Variants in C1orf21 observed in about 807,000 individuals in gnomAD.
C1orf21 encodes the protein uncharacterized protein C1orf21.
A neutral mutation model predicts 18.7 loss-of-function variants in C1orf21; 3 were observed. That is an observed-to-expected ratio of 0.16 (90% CI 0.07 to 0.42). The LOEUF (loss-of-function observed/expected upper bound fraction) is 0.42, where lower values mean the gene tolerates loss of function less well. Among genes scored for constraint, C1orf21 ranks in the 10% least tolerant of loss-of-function variants. The probability of loss-of-function intolerance (pLI) is 0.99; values close to 1 mark genes in which losing one functional copy is unlikely to be tolerated. For synonymous variants in C1orf21, 41 were observed against 46.4 expected (o/e 0.88, Z 0.47); for missense variants, 104 against 143.6 (o/e 0.72, Z 1.41).
chr1:184,440,014 T>C (rs1002136578), intron 1 of C1orf21, among the ~76,000 whole-genome samples: 33 of 152,322 alleles, frequency 2.2e-4, no homozygotes, highest in Admixed American at 1.9e-3. Context: ...ATATTAGACA[T>C]GTTTCTACTT....
intron 3 of C1orf21, chr1:184,545,844 T>A (rs1029620473): frequency 3.3e-5 from 5 of 152,160 alleles, no homozygotes; most frequent in African/African-American, 1.2e-4. Context: ...TAAAACGCCC[T>A]TTATTCCCAA....
rs1185977278 is a variant in C1orf21 at position 184,622,988 on chromosome 1, T to C, written c.*3432T>C. On this transcript the variant is annotated 3_prime_UTR_variant, in exon 6 of 6. Transcript: ENST00000235307. ...GCTTTGTTATCTTCTTATAACTTTA[T>C]CCTGCTATAACTTTATCCTCTTCCC... 2 of 152,284 alleles carry C rather than the reference T, an allele frequency of 1.3e-5. No individual in the cohort carries two copies. Among genetic ancestry groups the C allele is most frequent in the Non-Finnish European group, 2.9e-5 (2 of 68,068 alleles). 9.4% of individuals were successfully genotyped at this position (152,284 alleles called of 1,614,324 possible).
intron 5 of C1orf21, among the ~76,000 whole-genome samples, chr1:184,616,005 A>G (rs1185006207): frequency 6.6e-6 from 1 of 152,186 alleles, no homozygotes; most frequent in Non-Finnish European, 1.5e-5. Flanking sequence ...TAGTCACCCT[A>G]CTGTGCTGTT....
chr1:184,608,655 T>C (rs954426994), intron 5 of C1orf21, among the ~76,000 whole-genome samples: 2 of 152,230 alleles, frequency 1.3e-5, no homozygotes, highest in African/African-American at 2.4e-5. Flanking sequence ...GTAGTTCTGA[T>C]GGCCCCAGCC....
At chr1:184,450,627 T>C (rs773051448) in intron 1 of C1orf21, among the ~76,000 whole-genome samples, 14 of 152,168 alleles carry the variant, frequency 9.2e-5, no homozygotes, top group Non-Finnish European at 1.8e-4. Context: ...ATAAAGTTTA[T>C]CAAAATAAAC....
chr1:184,588,813 T>C (rs1659397263), intron 3 of C1orf21, among the ~76,000 whole-genome samples: 1 of 152,264 alleles, frequency 6.6e-6, no homozygotes, highest in South Asian at 2.1e-4. Flanking sequence ...AGAAGAAAGT[T>C]TTTTTGGAAT....
chr1:184,516,580 G>A (rs926382338), intron 3 of C1orf21, among the ~76,000 whole-genome samples: 2 of 152,178 alleles, frequency 1.3e-5, no homozygotes, highest in African/African-American at 2.4e-5. Context: ...CATGGCAGAA[G>A]GCAAGGAGGA....
rs1222946190 is a variant in C1orf21 at position 184,507,612 on chromosome 1, A to G, written c.119A>G (p.Glu40Gly). 12 of 1,606,702 alleles carry G rather than the reference A, an allele frequency of 7.5e-6. No homozygotes were observed. Among genetic ancestry groups the G allele is most frequent in the Non-Finnish European group, 1.0e-5 (12 of 1,177,692 alleles). The change falls in exon 3 of 6, where the codon GAA becomes GGA. Residue 40 changes from glutamate to glycine, a missense_variant. Glu to Gly is a moderately conservative substitution (Grantham distance 98, BLOSUM62 -2). Transcript: ENST00000235307. ...GATGAGTATAGGATCAAACCAGTGG[A>G]AGAGGTCAAATACATGAAAAATGGG... is the stretch of plus-strand genomic sequence containing the variant. ...FGDEYRIKPV[E>G]EVKYMKNGAE...
At chr1:184,436,296 A>G (rs1473446103) in intron 1 of C1orf21, among the ~76,000 whole-genome samples, 2 of 152,118 alleles carry the variant, frequency 1.3e-5, no homozygotes, top group Non-Finnish European at 2.9e-5. Flanking sequence ...ATTTTACGGC[A>G]TCTCTTTTCT....
chr1:184,439,847 A>G (rs1656917012), intron 1 of C1orf21, among the ~76,000 whole-genome samples: 2 of 152,226 alleles, frequency 1.3e-5, no homozygotes. Context: ...AGTTACAAAG[A>G]TGGTCAAAAG....
intron 2 of C1orf21, among the ~76,000 whole-genome samples, chr1:184,503,186 T>C (rs1658004038): frequency 6.6e-6 from 1 of 152,020 alleles, no homozygotes; most frequent in Non-Finnish European, 1.5e-5. Flanking sequence ...GAGAATATTT[T>C]ATACTAAGTG....
rs143024383 is a variant in C1orf21, at chr1:184,483,187, G to A, written c.94+5584G>A. Among the ~76,000 whole-genome samples, 33 of 152,326 alleles carry A rather than the reference G, an allele frequency of 2.2e-4. No individual in the cohort carries two copies. The East Asian group carries it at 6.0e-3, about 28-fold the overall frequency. On this transcript the variant is annotated intron_variant, in intron 2 of 5. Coordinates refer to ENST00000235307, the MANE Select transcript of C1orf21 (RefSeq NM_030806.4). Reference sequence around the variant, plus strand: ...CCTTCTCTCAGTTGTCAGGGCAGATGTGAATAGTGGTCAGCAGATCTGCTG... The same window carrying A: ...CCTTCTCTCAGTTGTCAGGGCAGATATGAATAGTGGTCAGCAGATCTGCTG...
At chr1:184,449,097 T>C (rs556025827) in intron 1 of C1orf21, among the ~76,000 whole-genome samples, 4 of 152,286 alleles carry the variant, frequency 2.6e-5, no homozygotes, top group Admixed American at 6.5e-5. Flanking sequence ...ATGTGCACAA[T>C]GTGCAGGTTT....
intron 2 of C1orf21, among the ~76,000 whole-genome samples, chr1:184,492,950 C>A (rs1288918649): frequency 6.6e-6 from 1 of 152,218 alleles, no homozygotes; most frequent in Non-Finnish European, 1.5e-5. Flanking sequence ...ATGATCTGAT[C>A]ACTCTGAGAG....
intron 5 of C1orf21, among the ~76,000 whole-genome samples, chr1:184,605,605 C>T (rs1388559354): frequency 3.9e-5 from 6 of 152,132 alleles, no homozygotes; most frequent in Non-Finnish European, 8.8e-5. Flanking sequence ...TTGATAGAGG[C>T]CAAGGGAAGG....
intron 5 of C1orf21, among the ~76,000 whole-genome samples, chr1:184,600,810 T>C (rs554342158): frequency 1.3e-5 from 2 of 152,364 alleles, no homozygotes; most frequent in African/African-American, 4.8e-5. Context: ...TGAGCCATGC[T>C]TTCCTGCCTC....
intron 1 of C1orf21, among the ~76,000 whole-genome samples, chr1:184,409,550 T>C (rs1656300762): frequency 1.3e-5 from 2 of 152,154 alleles, no homozygotes; most frequent in Non-Finnish European, 2.9e-5. Context: ...CAAAATAATA[T>C]AACCATCTTG....
chr1:184,507,846 T>G (rs185380372), intron 3 of C1orf21, among the ~76,000 whole-genome samples, 164 bp downstream of exon 3: 1 of 152,350 alleles, frequency 6.6e-6, no homozygotes, highest in East Asian at 1.9e-4. Context: ...TCCTGTATCC[T>G]GTTTGTCTCT....
intron 3 of C1orf21, among the ~76,000 whole-genome samples, chr1:184,534,072 G>T (rs1489967170): frequency 3.3e-5 from 5 of 152,084 alleles, no homozygotes; most frequent in Non-Finnish European, 7.4e-5. Flanking sequence ...CTAACACCTG[G>T]CCCACAGTAA....
Sources: gnomAD v4.1 joint callset for allele counts (sites outside exome capture counted in the v4.1 genomes callset) on GRCh38, gnomAD v4.1.1 for gene constraint, MANE v1.5 for transcripts, NCBI Gene and HGNC (gene_info 2026-07-23, HGNC 2026-07-21) for gene names.